Variants in GXYLT1 observed in about 807,000 individuals in gnomAD.
The protein encoded by GXYLT1 is glycosyltransferase 8 domain containing 3.
In GXYLT1, 29 loss-of-function variants were observed where a neutral mutation model predicts 54.0. The observed-to-expected ratio is 0.54, with a 90% CI of 0.40 to 0.73. The LOEUF is 0.73. GXYLT1 is among the 30% of genes least tolerant of loss of function. The pLI, the probability that GXYLT1 is intolerant of heterozygous loss-of-function variation, is 0.00. For synonymous variants in GXYLT1, 176 were observed against 204.1 expected, an observed-to-expected ratio of 0.86 and a Z score of 1.17; for missense variants, 490 against 553.4, an observed-to-expected ratio of 0.89 and a Z score of 1.15.
intron 1 of GXYLT1, among the ~76,000 whole-genome samples, chr12:42,131,089 C>T (rs2065591595): frequency 6.6e-6 from 1 of 152,078 alleles, no homozygotes; most frequent in Middle Eastern, 3.2e-3. Flanking sequence ...AAGATCAAGT[C>T]TGGTCTTTCT....
At chr12:42,122,180 T>G (rs1035599546) in intron 2 of GXYLT1, among the ~76,000 whole-genome samples, 2 of 152,190 alleles carry the variant, frequency 1.3e-5, no homozygotes, top group African/African-American at 4.8e-5. Flanking sequence ...GATATACAAT[T>G]AGAAGAAATT....
chr12:42,114,742 T>C (rs963293946), intron 3 of GXYLT1, among the ~76,000 whole-genome samples: 1 of 152,052 alleles, frequency 6.6e-6, no homozygotes, highest in African/African-American at 2.4e-5. Flanking sequence ...ACTATTCCAA[T>C]CAATAGAAAA....
At chr12:42,114,576 C>T (rs528182788) in intron 3 of GXYLT1, among the ~76,000 whole-genome samples, 2 of 152,048 alleles carry the variant, frequency 1.3e-5, no homozygotes, top group African/African-American at 4.8e-5. Flanking sequence ...CAAGACTAAA[C>T]CAGGAAGAAG....
rs2065355814 is a variant in GXYLT1 at position 42,096,401 on chromosome 12, G to A, written c.1161+1041C>T. 2.0e-5 allele frequency among the ~76,000 whole-genome samples: 3 copies of A among 152,136 alleles called. 1 individual carries two copies. The South Asian group carries it at 6.2e-4, about 32-fold the overall frequency. ...AAAAGTGATGAGGACATGTCAAAGG[G>A]ACACAAGAAGTAGCCAATGGGGCTC... On this transcript the variant is annotated intron_variant, in intron 7 of 7. Transcript: ENST00000398675.
chr12:42,108,456 A>T (rs2065433409), intron 4 of GXYLT1, among the ~76,000 whole-genome samples: 1 of 152,218 alleles, frequency 6.6e-6, no homozygotes, highest in Non-Finnish European at 1.5e-5. Flanking sequence ...TAGATGACTG[A>T]CAAAAACTAG....
intron 2 of GXYLT1, among the ~76,000 whole-genome samples, chr12:42,126,176 C>T (rs1050231213): frequency 6.6e-6 from 1 of 151,084 alleles, no homozygotes; most frequent in Non-Finnish European, 1.5e-5. Flanking sequence ...CGGGTTCAAG[C>T]GATTCTCGTG....
intron 2 of GXYLT1, among the ~76,000 whole-genome samples, chr12:42,128,385 TTAAAAA>T (rs947394865): frequency 6.6e-6 from 1 of 152,188 alleles, no homozygotes; most frequent in Non-Finnish European, 1.5e-5. Context: ...TTATTGTCAA[TTAAAAA>T]TAAATTTTTT....
chr12:42,130,451 T>C (rs2065587504), intron 1 of GXYLT1, among the ~76,000 whole-genome samples: 1 of 152,086 alleles, frequency 6.6e-6, no homozygotes, highest in African/African-American at 2.4e-5. Flanking sequence ...AAATGGTTAT[T>C]ATCAAAAAGG....
intron 2 of GXYLT1, among the ~76,000 whole-genome samples, chr12:42,123,880 A>G (rs1455829491): frequency 3.9e-5 from 6 of 152,030 alleles, no homozygotes; most frequent in Non-Finnish European, 8.8e-5. Context: ...TATGCTTAAA[A>G]AGAAAAACAA....
rs765252435 is a variant in GXYLT1 at position 42,105,946 on chromosome 12, G to T, written c.736C>A (p.Pro246Thr). The change falls in exon 5 of 8, where the codon CCA becomes ACA. Residue 246 changes from proline (P) to threonine (T), a missense_variant. By Grantham distance (38) the Pro-to-Thr change is conservative. This residue lies in a region of GXYLT1 where 342 missense variants were observed against 342.6 expected (regional missense o/e 1.00). Transcript: ENST00000398675. ...CCTATTCGAGGTTCCTCATGTTCTG[G>T]TGCCATTGCAGCAATTTGTGTGGAA... ...FNSTQIAAMAPEHEEPRIGWY... is the reference protein window; with the variant it reads ...FNSTQIAAMATEHEEPRIGWY... 6.2e-7 allele frequency: 1 copy of T among 1,613,974 alleles called. No individual in the cohort carries two copies.
intron 5 of GXYLT1, among the ~76,000 whole-genome samples, chr12:42,101,657 C>T (rs537402892): frequency 2.0e-3 from 300 of 152,086 alleles, no homozygotes; most frequent in African/African-American, 7.1e-3. Context: ...CTGCAACCTC[C>T]ACCTTCTGGG....
intron 3 of GXYLT1, among the ~76,000 whole-genome samples, chr12:42,111,317 G>A (rs983441492): frequency 7.9e-5 from 12 of 152,344 alleles, no homozygotes; most frequent in South Asian, 2.1e-4. Context: ...TGCGCGAGCC[G>A]AACCGGGGCG....
chr12:42,110,256 G>GT (rs2065445286), intron 3 of GXYLT1, among the ~76,000 whole-genome samples: 1 of 152,106 alleles, frequency 6.6e-6, no homozygotes, highest in Non-Finnish European at 1.5e-5. Flanking sequence ...TGATGAACAT[G>GT]TTTACACTTA....
chr12:42,094,872 G>T (rs1288356384), intron 7 of GXYLT1, among the ~76,000 whole-genome samples: 1 of 152,046 alleles, frequency 6.6e-6, no homozygotes, highest in Non-Finnish European at 1.5e-5. Context: ...AATGATGGTT[G>T]TACAATTCTG....
At chr12:42,134,393 C>G (rs1236503960) in intron 1 of GXYLT1, among the ~76,000 whole-genome samples, 1 of 152,082 alleles carries the variant, frequency 6.6e-6, no homozygotes, top group Non-Finnish European at 1.5e-5. Flanking sequence ...CTCACTACAG[C>G]CTCAATCTCC....
chr12:42,127,373 T>G (rs930848335), intron 2 of GXYLT1, among the ~76,000 whole-genome samples: 1 of 152,128 alleles, frequency 6.6e-6, no homozygotes, highest in African/African-American at 2.4e-5. Flanking sequence ...TGTAATAGCA[T>G]GATATAATGG....
rs1429490193 is a variant in GXYLT1, at chr12:42,095,028, A to C, written c.1161+2414T>G. Among the ~76,000 whole-genome samples the C allele has an allele frequency of 4.6e-5, 7 of 152,316 alleles. No individual in the cohort carries two copies. The East Asian group carries it at 1.2e-3, about 25-fold the overall frequency. On this transcript the variant is annotated intron_variant, in intron 7 of 7. Transcript: ENST00000398675. ...AAATTCACCCCCAAAAAGATATAAA[A>C]ATATTTCATAAATATATAAAAAGAT...
At chr12:42,126,742 G>A (rs990260494) in intron 2 of GXYLT1, among the ~76,000 whole-genome samples, 1 of 151,960 alleles carries the variant, frequency 6.6e-6, no homozygotes, top group Admixed American at 6.6e-5. Flanking sequence ...AAACAGCTGG[G>A]CGCAGTGGCA....
At chr12:42,128,346 A>G (rs2065575017) in intron 2 of GXYLT1, among the ~76,000 whole-genome samples, 1 of 152,212 alleles carries the variant, frequency 6.6e-6, no homozygotes, top group Admixed American at 6.5e-5. Flanking sequence ...ACACCAAAAC[A>G]TCGCTTTATG....
Sources: allele counts gnomAD v4.1 joint callset (sites outside exome capture counted in the v4.1 genomes callset), GRCh38; gene constraint gnomAD v4.1.1; regional missense constraint gnomAD v4.1.1; transcripts MANE v1.5; gene names NCBI Gene and HGNC (gene_info 2026-07-23, HGNC 2026-07-21).